IKZF3: variants seen among roughly 807,000 people sequenced by gnomAD.
IKZF3 encodes IKAROS family zinc finger 3, also known as zinc finger protein Aiolos.
Under a neutral mutation model 49.0 loss-of-function variants are expected in IKZF3, and 10 were observed. The ratio of observed to expected loss-of-function variants is 0.20; its 90% CI spans 0.13 to 0.35. IKZF3 has a LOEUF of 0.35. IKZF3 is among the 10% of genes least tolerant of loss of function. The pLI is 1.00. For synonymous variants in IKZF3, 209 were observed against 228.2 expected (o/e 0.92, Z 0.76); for missense variants, 498 against 664.8 (o/e 0.75, Z 2.76).
intron 7 of IKZF3, among the ~76,000 whole-genome samples, chr17:39,771,361 T>G (rs1294481045): frequency 6.6e-6 from 1 of 152,248 alleles, no homozygotes; most frequent in Non-Finnish European, 1.5e-5. Flanking sequence ...AAGCACTCTA[T>G]TCCCATTATT....
chr17:39,778,531 G>A (rs1019970484), intron 6 of IKZF3, among the ~76,000 whole-genome samples: 4 of 152,114 alleles, frequency 2.6e-5, no homozygotes, highest in African/African-American at 7.2e-5. Context: ...GGCTGGGTGC[G>A]GTGGCTCATG....
intron 6 of IKZF3, among the ~76,000 whole-genome samples, chr17:39,786,321 T>C (rs1208042952): frequency 6.6e-6 from 1 of 152,192 alleles, no homozygotes; most frequent in Non-Finnish European, 1.5e-5. Context: ...CTCAGTCTTG[T>C]CACCTCTAAA....
chr17:39,861,071 T>C (rs2063202456), intron 1 of IKZF3, among the ~76,000 whole-genome samples: 1 of 152,018 alleles, frequency 6.6e-6, no homozygotes, highest in Non-Finnish European at 1.5e-5. Flanking sequence ...TAAAAAGTAC[T>C]TTTTCAGCAC....
chr17:39,813,009 G>A (rs2061596795), intron 3 of IKZF3, among the ~76,000 whole-genome samples: 1 of 152,120 alleles, frequency 6.6e-6, no homozygotes, highest in African/African-American at 2.4e-5. Flanking sequence ...GGCTGAGGTG[G>A]AAGAATGGCG....
intron 1 of IKZF3, among the ~76,000 whole-genome samples, 192 bp downstream of exon 1, chr17:39,863,928 A>G (rs2063289724): frequency 6.6e-6 from 1 of 152,168 alleles, no homozygotes; most frequent in African/African-American, 2.4e-5. Context: ...TCACTTTCCA[A>G]AGGGCGGGGG....
chr17:39,774,034 T>C (rs2060512311), intron 7 of IKZF3, among the ~76,000 whole-genome samples: 1 of 152,164 alleles, frequency 6.6e-6, no homozygotes, highest in South Asian at 2.1e-4. Context: ...TGAGAGCATG[T>C]TTGTGTCTCA....
At chr17:39,784,614 A>G (rs2143803916) in intron 6 of IKZF3, among the ~76,000 whole-genome samples, 1 of 152,272 alleles carries the variant, frequency 6.6e-6, no homozygotes, top group East Asian at 1.9e-4. Flanking sequence ...ATGTTGGCCA[A>G]GATGGTCTCC....
intron 1 of IKZF3, chr17:39,835,947 A>G: frequency 1.6e-6 from 1 of 642,910 alleles, no homozygotes; most frequent in South Asian, 1.5e-5. Flanking sequence ...CTCCTGGCCT[A>G]GAGTGTCCAG....
intron 3 of IKZF3, among the ~76,000 whole-genome samples, chr17:39,815,440 T>C (rs996432715): frequency 2.6e-5 from 4 of 152,246 alleles, no homozygotes; most frequent in Non-Finnish European, 5.9e-5. Context: ...ATGAAACACA[T>C]CTTCCCTCTA....
chr17:39,806,419 A>G (rs747259922), intron 3 of IKZF3, among the ~76,000 whole-genome samples: 5 of 152,224 alleles, frequency 3.3e-5, no homozygotes, highest in Non-Finnish European at 7.3e-5. Context: ...AATTTTTAAA[A>G]CGCACAAAAG....
intron 7 of IKZF3, among the ~76,000 whole-genome samples, chr17:39,767,352 T>A (rs2060319986): frequency 6.6e-6 from 1 of 151,886 alleles, no homozygotes; most frequent in Non-Finnish European, 1.5e-5. Flanking sequence ...AGTGTGTGGG[T>A]GTTGTGTGTT....
chr17:39,759,497 A>G lies in IKZF3; in HGVS notation c.*6293T>C, dbSNP rs1221433550. 10 of 152,204 alleles carry G rather than the reference A, an allele frequency of 6.6e-5. No homozygotes were observed. Among genetic ancestry groups the G allele is most frequent in the African/African-American group, 1.4e-4 (6 of 41,450 alleles). 9.4% of individuals were successfully genotyped at this position (152,204 alleles called of 1,614,324 possible). On this transcript the variant is annotated 3_prime_UTR_variant, in exon 8 of 8. Transcript: ENST00000346872. ...CAAAACCCTGTGTATCTTCATAACAATGGTGGGGCAAAGACTATCTACAGC... is the reference window on the plus strand; with the variant it reads ...CAAAACCCTGTGTATCTTCATAACAGTGGTGGGGCAAAGACTATCTACAGC...
At chr17:39,845,409 A>C (rs2062601435) in intron 1 of IKZF3, among the ~76,000 whole-genome samples, 1 of 150,960 alleles carries the variant, frequency 6.6e-6, no homozygotes, top group South Asian at 2.1e-4. Context: ...CCTATAATCC[A>C]GCTACTCAGG....
intron 7 of IKZF3, among the ~76,000 whole-genome samples, chr17:39,767,055 C>T (rs2143581425): frequency 1.3e-5 from 2 of 152,262 alleles, no homozygotes; most frequent in East Asian, 3.9e-4. Context: ...CCCCAGACTC[C>T]AACTGGCTAC....
At chr17:39,855,000 A>C (rs2062996203) in intron 1 of IKZF3, among the ~76,000 whole-genome samples, 1 of 152,200 alleles carries the variant, frequency 6.6e-6, no homozygotes, top group South Asian at 2.1e-4. Flanking sequence ...AAACAGATTA[A>C]AAGAGGCAAG....
chr17:39,788,412 G>T, intron 5 of IKZF3, 38 bp from the exon 6 acceptor site: 3 of 1,345,760 alleles, frequency 2.2e-6, no homozygotes, highest in Non-Finnish European at 3.2e-6. Flanking sequence ...GTGACCCTCA[G>T]GGGTTCCACA....
At chr17:39,790,935 G>C (rs956429561) in intron 5 of IKZF3, among the ~76,000 whole-genome samples, 44 of 151,568 alleles carry the variant, frequency 2.9e-4, no homozygotes, top group African/African-American at 1.1e-3. Context: ...AGGAAAGTTG[G>C]ATTTAATAAA....
At chr17:39,855,973 G>A (rs2063030620) in intron 1 of IKZF3, among the ~76,000 whole-genome samples, 1 of 149,714 alleles carries the variant, frequency 6.7e-6, no homozygotes, top group Admixed American at 6.6e-5. Flanking sequence ...TATTGTATAT[G>A]TACAATATAA....
rs192459185 is a variant in IKZF3, at chr17:39,853,141, T to C, written c.7+10979A>G. ...ATAGCACTTAGCATAAATTTAATTA[T>C]TTCAATTGTTATTACTTGTTCTTTG... On this transcript the variant is annotated intron_variant, in intron 1 of 7. Coordinates refer to ENST00000346872, the MANE Select transcript of IKZF3 (RefSeq NM_012481.5). 6.8e-4 allele frequency among the ~76,000 whole-genome samples: 103 copies of C among 152,310 alleles called. 1 individual carries two copies. The highest frequency in any genetic ancestry group is 2.2e-3 in the Admixed American group (33 of 15,290).
Sources: allele counts gnomAD v4.1 joint callset (sites outside exome capture counted in the v4.1 genomes callset), GRCh38; gene constraint gnomAD v4.1.1; transcripts MANE v1.5; gene names NCBI Gene and HGNC (gene_info 2026-07-23, HGNC 2026-07-21).